The following MAP2K5 variants were observed in gnomAD, a reference collection of about 807,000 sequenced individuals.
MAP2K5 encodes the protein mitogen-activated protein kinase kinase 5.
A neutral mutation model predicts 83.1 loss-of-function variants in MAP2K5; 49 were observed. The observed-to-expected ratio is 0.59, with a 90% confidence interval of 0.47 to 0.75. MAP2K5 has a LOEUF of 0.75. Among genes scored for constraint, MAP2K5 ranks in the 30% least tolerant of loss-of-function variants. The probability of loss-of-function intolerance (pLI) is 0.00; values close to 1 mark genes in which losing one functional copy is unlikely to be tolerated. For missense variants in MAP2K5, 457 were observed against 557.5 expected, an observed-to-expected ratio of 0.82 and a Z score of 1.82; for synonymous variants, 202 against 191.8, an observed-to-expected ratio of 1.05 and a Z score of -0.44.
rs1194168453 is a variant in MAP2K5 at position 67,703,528 on chromosome 15, A to G, written c.1044+120A>G. 2.6e-5 allele frequency: 19 copies of G among 736,492 alleles called. No individual in the cohort carries two copies. Among genetic ancestry groups the G allele is most frequent in the Non-Finnish European group, 4.0e-5 (18 of 449,972 alleles). 45.6% of individuals were successfully genotyped at this position (736,492 alleles called of 1,614,324 possible). Reference sequence around the variant, plus strand: ...CCTTCAGCATGTTATATAGATGTATACAGAGTTTGACCATAAAGTCTTTGA... The same window carrying G: ...CCTTCAGCATGTTATATAGATGTATGCAGAGTTTGACCATAAAGTCTTTGA... On this transcript the variant is annotated intron_variant, in intron 16 of 21. Coordinates refer to ENST00000178640, the MANE Select transcript of MAP2K5 (RefSeq NM_145160.3).
intron 21 of MAP2K5, among the ~76,000 whole-genome samples, chr15:67,797,245 TATATATAGTTACTGCTTGTTCAG>T (rs1252586059): frequency 6.6e-6 from 1 of 152,256 alleles, no homozygotes; most frequent in Non-Finnish European, 1.5e-5. Context: ...GTTGTGGCTT[TATATATAGTTACTGCTTGTTCAG>T]ATTTATCCAC....
intron 15 of MAP2K5, among the ~76,000 whole-genome samples, chr15:67,697,871 G>A (rs1235318930): frequency 6.6e-6 from 1 of 152,178 alleles, no homozygotes; most frequent in African/African-American, 2.4e-5. Context: ...AAGACAGGGA[G>A]GTTTTTGTAA....
At chr15:67,697,601 C>T (rs2088298266) in intron 15 of MAP2K5, among the ~76,000 whole-genome samples, 1 of 152,182 alleles carries the variant, frequency 6.6e-6, no homozygotes, top group South Asian at 2.1e-4. Context: ...CACACAGTGC[C>T]AGATGAATGA....
At chr15:67,642,492 T>C (rs1362424369) in intron 9 of MAP2K5, 27 of 1,540,050 alleles carry the variant, frequency 1.8e-5, no homozygotes, top group Non-Finnish European at 2.3e-5. Flanking sequence ...GATGGAGGAC[T>C]TTGAGGTGAG....
intron 6 of MAP2K5, among the ~76,000 whole-genome samples, chr15:67,589,319 G>A (rs1265550094): frequency 1.3e-5 from 2 of 151,960 alleles, no homozygotes; most frequent in Non-Finnish European, 2.9e-5. Context: ...GAATGAAACA[G>A]TATTTTCCTC....
chr15:67,630,906 T>C lies in MAP2K5; in HGVS notation c.564T>C (p.Ser188=). 6.2e-7 allele frequency: 1 copy of C among 1,609,908 alleles called. No homozygotes were observed. Among genetic ancestry groups the C allele is most frequent in the Non-Finnish European group, 8.5e-7 (1 of 1,177,718 alleles). ...GTVYKAYHVP[S]GKILAVKVIL... ...CCCATAGAGCATATCATGTCCCGAG[T>C]GGGAAAATATTAGCTGTAAAGGTAA... Residue 188 remains serine (S), a synonymous_variant, in exon 9 of 22, where the codon AGT becomes AGC. Transcript: ENST00000178640.
At chr15:67,745,575 C>T (rs1221525887) in intron 17 of MAP2K5, among the ~76,000 whole-genome samples, 1 of 152,170 alleles carries the variant, frequency 6.6e-6, no homozygotes, top group Non-Finnish European at 1.5e-5. Context: ...AATATAAATA[C>T]AGCCGAGTAC....
At chr15:67,772,327 A>G (rs1277873438) in intron 20 of MAP2K5, among the ~76,000 whole-genome samples, 1 of 152,236 alleles carries the variant, frequency 6.6e-6, no homozygotes, top group Non-Finnish European at 1.5e-5. Context: ...AAAAAAAGGT[A>G]TATTCTCTAA....
intron 12 of MAP2K5, 142 bp from the exon 13 acceptor site, chr15:67,664,455 T>G (rs573624259): frequency 2.2e-4 from 129 of 577,530 alleles, no homozygotes; most frequent in Non-Finnish European, 3.4e-4. Flanking sequence ...GAGCAGTGAT[T>G]GTACCCCACA....
At chr15:67,582,349 C>T (rs1435213772) in intron 4 of MAP2K5, among the ~76,000 whole-genome samples, 4 of 152,196 alleles carry the variant, frequency 2.6e-5, no homozygotes, top group East Asian at 1.9e-4. Context: ...CGTGAGCCAC[C>T]ACGCCCAGCC....
chr15:67,762,217 A>G (rs1194133081), intron 19 of MAP2K5, among the ~76,000 whole-genome samples: 1 of 152,208 alleles, frequency 6.6e-6, no homozygotes, highest in Admixed American at 6.5e-5. Context: ...ACTTTTGTAA[A>G]TGAAATCCCT....
intron 21 of MAP2K5, among the ~76,000 whole-genome samples, chr15:67,798,074 C>G (rs926794015): frequency 6.6e-5 from 10 of 152,242 alleles, no homozygotes; most frequent in Non-Finnish European, 8.8e-5. Flanking sequence ...TCCATCACCA[C>G]ACAGCCATCA....
chr15:67,575,164 T>C (rs1349650072), intron 3 of MAP2K5, among the ~76,000 whole-genome samples: 1 of 152,196 alleles, frequency 6.6e-6, no homozygotes, highest in African/African-American at 2.4e-5. Flanking sequence ...AGATTTGTGA[T>C]TCATCAGCTC....
intron 15 of MAP2K5, among the ~76,000 whole-genome samples, chr15:67,696,088 T>A (rs1567367028): frequency 6.6e-6 from 1 of 151,524 alleles, no homozygotes; most frequent in East Asian, 1.9e-4. Flanking sequence ...AATCCCTGAC[T>A]TTTATCTGCT....
At chr15:67,608,935 AC>A (rs2141040072) in intron 8 of MAP2K5, among the ~76,000 whole-genome samples, 1 of 152,244 alleles carries the variant, frequency 6.6e-6, no homozygotes, top group South Asian at 2.1e-4. Flanking sequence ...TACTGTAGGC[AC>A]TTAGTGAGTG....
At chr15:67,588,110 A>G (rs1376961088) in intron 6 of MAP2K5, 2 of 985,190 alleles carry the variant, frequency 2.0e-6, no homozygotes, top group East Asian at 2.3e-4. Context: ...TGCTTTCAAG[A>G]TGAAGTGTAA....
chr15:67,740,303 A>G (rs983762594), intron 17 of MAP2K5, among the ~76,000 whole-genome samples: 2 of 152,238 alleles, frequency 1.3e-5, no homozygotes, highest in African/African-American at 2.4e-5. Context: ...CATGTTTGCA[A>G]TCAGAGGGAA....
chr15:67,556,637 C>T lies in MAP2K5; in HGVS notation c.184+6555C>T, dbSNP rs140073009. 1.8e-3 allele frequency among the ~76,000 whole-genome samples: 271 copies of T among 151,372 alleles called. 2 individuals carry two copies. The highest frequency in any genetic ancestry group is 6.3e-3 in the African/African-American group (261 of 41,186). On this transcript the variant is annotated intron_variant, in intron 2 of 21. Coordinates refer to ENST00000178640, the MANE Select transcript of MAP2K5 (RefSeq NM_145160.3). ...CATGATCTCAGCTCACTGCAACCTCCGCCCCCTGGATTCAAGTGATTCTTC... is the reference window on the plus strand; with the variant it reads ...CATGATCTCAGCTCACTGCAACCTCTGCCCCCTGGATTCAAGTGATTCTTC...
At chr15:67,548,784 T>C (rs1567265372) in intron 1 of MAP2K5, among the ~76,000 whole-genome samples, 1 of 152,220 alleles carries the variant, frequency 6.6e-6, no homozygotes, top group Non-Finnish European at 1.5e-5. Flanking sequence ...TTATAGATGC[T>C]TCCTCAAAAA....
Sources: allele counts gnomAD v4.1 joint callset (sites outside exome capture counted in the v4.1 genomes callset), GRCh38; gene constraint gnomAD v4.1.1; transcripts MANE v1.5; gene names NCBI Gene and HGNC (gene_info 2026-07-23, HGNC 2026-07-21).